The following TRPV1 variants were observed in gnomAD, a reference collection of about 807,000 sequenced individuals.
TRPV1 encodes the protein OTRPC1.
A neutral mutation model predicts 82.3 loss-of-function variants in TRPV1; 82 were observed. The observed-to-expected ratio is 1.00, with a 90% CI of 0.83 to 1.20. The LOEUF is 1.20. TRPV1 is among the 50% of genes most tolerant of loss of function. The pLI is 0.00. For synonymous variants in TRPV1, 515 were observed against 467.7 expected (o/e 1.10, Z -1.30); for missense variants, 1,067 against 1,096.8 (o/e 0.97, Z 0.38).
chr17:3,569,647 G>A (rs1239528849), intron 16 of TRPV1, among the ~76,000 whole-genome samples: 2 of 152,176 alleles, frequency 1.3e-5, no homozygotes, highest in Non-Finnish European at 2.9e-5. Context: ...AGAGCACAGG[G>A]GAAGAGGAGG....
chr17:3,571,511 C>T lies in TRPV1; in HGVS notation c.2347+13G>A. ...AGCCAAGGAGGCGCCAAGCACCGGC[C>T]CTCACGCCTCACCTCTGCTTGACCG... On this transcript the variant is annotated intron_variant, in intron 16 of 16. Transcript: ENST00000572705. 4 of 1,574,402 alleles carry T rather than the reference C, an allele frequency of 2.5e-6. No homozygotes were observed. Among genetic ancestry groups the T allele is most frequent in the Non-Finnish European group, 3.5e-6 (4 of 1,158,566 alleles).
chr17:3,597,835 AG>A (rs1211018552), intron 2 of TRPV1, among the ~76,000 whole-genome samples: 3 of 151,926 alleles, frequency 2.0e-5, no homozygotes, highest in African/African-American at 7.3e-5. Context: ...CATTGCGCCC[AG>A]CTAATTGTTG....
At chr17:3,594,764 C>T (rs1021381780) in intron 2 of TRPV1, among the ~76,000 whole-genome samples, 1 of 152,204 alleles carries the variant, frequency 6.6e-6, no homozygotes, top group Non-Finnish European at 1.5e-5. Context: ...CCCGCTGAGA[C>T]AGAAACCAGG....
Position 3,585,782 on chromosome 17 carries a change from G to A in TRPV1, c.1369C>T (p.Pro457Ser). The change falls in exon 9 of 17, where the codon CCC becomes TCC. Residue 457 changes from proline to serine, a missense_variant. Physicochemically the swap from Pro to Ser is moderately conservative, Grantham distance 74. Transcript: ENST00000572705. ...IIFTMAAYYR[P>S]VDGLPPFKME... ...TCTGGCCGCACCAAGCCATCCACGGGCCTGTAGTAGGCAGCCATGGTGAAG... is the reference window on the plus strand; with the variant it reads ...TCTGGCCGCACCAAGCCATCCACGGACCTGTAGTAGGCAGCCATGGTGAAG... 1.2e-6 allele frequency: 2 copies of A among 1,613,384 alleles called. No individual in the cohort carries two copies. The highest frequency in any genetic ancestry group is 2.2e-5 in the East Asian group (1 of 44,844).
chr17:3,603,831 C>T (rs1001179135), intron 2 of TRPV1, among the ~76,000 whole-genome samples: 1 of 152,188 alleles, frequency 6.6e-6, no homozygotes, highest in Non-Finnish European at 1.5e-5. Flanking sequence ...TGTCCATCTA[C>T]CTGTGGCTGA....
At position 3,570,997 on chromosome 17, in the gene TRPV1, G is replaced by A. The variant is rs749866101; in HGVS notation, c.2347+527C>T. Among the ~76,000 whole-genome samples the A allele has an allele frequency of 8.7e-4, 132 of 152,262 alleles. 1 individual carries two copies. The highest frequency in any genetic ancestry group is 1.7e-3 in the South Asian group (8 of 4,822). On this transcript the variant is annotated intron_variant, in intron 16 of 16. Coordinates refer to ENST00000572705, the MANE Select transcript of TRPV1 (RefSeq NM_080704.4). ...CTCCCAAAGTGCTGGGATGACAGGC[G>A]TGAGCCACTGTGCCCGGCCTCCTTG...
intron 10 of TRPV1, among the ~76,000 whole-genome samples, chr17:3,582,116 G>C (rs1448108613): frequency 6.8e-6 from 1 of 148,106 alleles, no homozygotes; most frequent in Non-Finnish European, 1.5e-5. Flanking sequence ...CGTGAACCCA[G>C]GAGGCGGAGC....
At chr17:3,593,469 G>C (rs1033600616) in intron 2 of TRPV1, among the ~76,000 whole-genome samples, 4 of 152,016 alleles carry the variant, frequency 2.6e-5, no homozygotes, top group Non-Finnish European at 2.9e-5. Flanking sequence ...CCTCCCTCTG[G>C]CTGGGCATCC....
intron 2 of TRPV1, among the ~76,000 whole-genome samples, chr17:3,607,847 G>C (rs1449064592): frequency 6.6e-6 from 1 of 151,948 alleles, no homozygotes; most frequent in Non-Finnish European, 1.5e-5. Flanking sequence ...AAAGTAGAAC[G>C]GTTTTAACAA....
intron 2 of TRPV1, among the ~76,000 whole-genome samples, chr17:3,606,061 C>T (rs57710986): frequency 0.033 from 5,096 of 152,234 alleles, 98 homozygotes; most frequent in Middle Eastern, 0.082. Flanking sequence ...CAGGCTCAAG[C>T]GATTCTCCTG....
Position 3,566,635 on chromosome 17 carries a change from A to G in TRPV1, c.*180T>C. On this transcript the variant is annotated 3_prime_UTR_variant, in exon 17 of 17. Transcript: ENST00000572705. ...TGGGGACAGTGACGGTTGGATGTAC[A>G]TCACTCCCCATGCTTCCAAGAACGC... The G allele has an allele frequency of 1.5e-6, 1 of 652,058 alleles. No individual in the cohort carries two copies. The allele number at this position is 652,058 out of a possible 1,614,324, so 40.4% of individuals were successfully genotyped here.
At chr17:3,596,295 G>GCATCCATC (rs113591328) in intron 2 of TRPV1, among the ~76,000 whole-genome samples, 8 of 151,694 alleles carry the variant, frequency 5.3e-5, no homozygotes, top group African/African-American at 1.9e-4. Flanking sequence ...TCTGCCCAAA[G>GCATCCATC]CATCCATCCA....
At chr17:3,575,731 T>C (rs2074920706) in intron 13 of TRPV1, among the ~76,000 whole-genome samples, 3 of 152,088 alleles carry the variant, frequency 2.0e-5, no homozygotes, top group South Asian at 4.1e-4. Context: ...GAGACGGACA[T>C]CATGTGACTC....
chr17:3,583,315 A>G (rs1156559577), intron 10 of TRPV1, 23 bp downstream of exon 10: 1 of 1,583,634 alleles, frequency 6.3e-7, no homozygotes. Context: ...ATGGAAACTC[A>G]CAATGTGGGA....
At chr17:3,568,816 C>G (rs1216506663) in intron 16 of TRPV1, among the ~76,000 whole-genome samples, 1 of 152,120 alleles carries the variant, frequency 6.6e-6, no homozygotes, top group Non-Finnish European at 1.5e-5. Context: ...CCAAGGTGCG[C>G]AGATCACCTG....
chr17:3,592,171 C>A lies in TRPV1; in HGVS notation c.180G>T (p.Pro60=), dbSNP rs56095209. 6.2e-7 allele frequency: 1 copy of A among 1,613,576 alleles called. No homozygotes were observed. Among genetic ancestry groups the A allele is most frequent in the African/African-American group, 1.3e-5 (1 of 74,898 alleles). The stretch of plus-strand genomic sequence containing the variant: ...CACCTTCCTCGTGAGGGCAATCCAC[C>A]GGGAAAGCCTCCTCCGAGTCACCCT... ...FGKGDSEEAF[P]VDCPHEEGEL... Residue 60 remains proline (P), a synonymous_variant, in exon 3 of 17, where the codon CCG becomes CCT. Coordinates refer to ENST00000572705, the MANE Select transcript of TRPV1 (RefSeq NM_080704.4).
At chr17:3,594,127 CAAAAAAAA>C (rs57620622) in intron 2 of TRPV1, among the ~76,000 whole-genome samples, 60 of 46,494 alleles carry the variant, frequency 1.3e-3, no homozygotes, top group African/African-American at 9.3e-3. Context: ...AACTCTGTCT[CAAAAAAAA>C]AAAAAAAAAA....
At chr17:3,593,330 ATTTGGAGCTGG>A (rs2075185768) in intron 2 of TRPV1, among the ~76,000 whole-genome samples, 1 of 152,084 alleles carries the variant, frequency 6.6e-6, no homozygotes, top group Non-Finnish European at 1.5e-5. Context: ...GCTTTAAGTG[ATTTGGAGCTGG>A]TTGGTCTTCT....
At chr17:3,592,654 T>C in intron 2 of TRPV1, 2 of 438,160 alleles carry the variant, frequency 4.6e-6, no homozygotes, top group Non-Finnish European at 8.3e-6. Flanking sequence ...CTCAGAGCCA[T>C]CTGTGGTTCT....
Sources: gnomAD v4.1 joint callset for allele counts (sites outside exome capture counted in the v4.1 genomes callset) on GRCh38, gnomAD v4.1.1 for gene constraint, MANE v1.5 for transcripts, NCBI Gene and HGNC (gene_info 2026-07-23, HGNC 2026-07-21) for gene names.